SAMD3: variants seen among roughly 807,000 people sequenced by gnomAD.
The protein encoded by SAMD3 is sterile alpha motif domain-containing protein 3.
A neutral mutation model predicts 58.5 loss-of-function variants in SAMD3; 63 were observed. The observed-to-expected ratio is 1.08, with a 90% CI of 0.88 to 1.33. The LOEUF is 1.33. Among genes scored for constraint, SAMD3 ranks in the 40% most tolerant of loss-of-function variants. The pLI is 0.00. For synonymous variants in SAMD3, 220 were observed against 210.3 expected, an observed-to-expected ratio of 1.05 and a Z score of -0.40; for missense variants, 604 against 608.4, an observed-to-expected ratio of 0.99 and a Z score of 0.08.
At chr6:130,213,643 TG>T (rs754890513) in intron 4 of SAMD3, among the ~76,000 whole-genome samples, 2 of 152,182 alleles carry the variant, frequency 1.3e-5, no homozygotes, top group Non-Finnish European at 2.9e-5. Context: ...AGGGCATAGA[TG>T]GATGTGTAAA....
At chr6:130,156,963 G>A (rs952242654) in intron 8 of SAMD3, among the ~76,000 whole-genome samples, 2 of 151,954 alleles carry the variant, frequency 1.3e-5, no homozygotes, top group African/African-American at 2.4e-5. Context: ...CCAGCTACCC[G>A]GGGGACTGAG....
chr6:130,257,762 A>G (rs960666595), intron 2 of SAMD3, among the ~76,000 whole-genome samples: 1 of 152,194 alleles, frequency 6.6e-6, no homozygotes, highest in Non-Finnish European at 1.5e-5. Context: ...TAATATAAAT[A>G]TATACACCCA....
At chr6:130,324,258 C>T (rs1360967822) in intron 1 of SAMD3, among the ~76,000 whole-genome samples, 1 of 152,146 alleles carries the variant, frequency 6.6e-6, no homozygotes, top group Non-Finnish European at 1.5e-5. Context: ...ATCATTAGGT[C>T]AACCCTCTTA....
intron 2 of SAMD3, among the ~76,000 whole-genome samples, chr6:130,229,326 C>G (rs1017117104): frequency 6.6e-6 from 1 of 152,202 alleles, no homozygotes; most frequent in African/African-American, 2.4e-5. Context: ...ATTCCCAATG[C>G]CTTAGCAGCG....
chr6:130,345,819 G>A (rs1005099203), intron 1 of SAMD3, among the ~76,000 whole-genome samples: 2 of 152,176 alleles, frequency 1.3e-5, no homozygotes, highest in African/African-American at 2.4e-5. Context: ...GCAAAAGGCA[G>A]AGAACAGATT....
intron 5 of SAMD3, among the ~76,000 whole-genome samples, chr6:130,190,373 G>A (rs1199332210): frequency 6.6e-6 from 1 of 151,772 alleles, no homozygotes; most frequent in Non-Finnish European, 1.5e-5. Flanking sequence ...TCATTAGAAT[G>A]TGATGCTAAG....
chr6:130,330,450 G>A (rs1007352965), intron 1 of SAMD3, among the ~76,000 whole-genome samples: 8 of 152,166 alleles, frequency 5.3e-5, no homozygotes, highest in Non-Finnish European at 1.2e-4. Context: ...AAAGCGTAGT[G>A]AGATTCAGTC....
At chr6:130,311,777 T>C (rs1360685244) in intron 2 of SAMD3, among the ~76,000 whole-genome samples, 1 of 151,942 alleles carries the variant, frequency 6.6e-6, no homozygotes. Flanking sequence ...ACTGGAGCAG[T>C]TTCAAGTCCT....
intron 8 of SAMD3, among the ~76,000 whole-genome samples, chr6:130,157,450 G>A (rs752982668): frequency 1.3e-5 from 2 of 151,772 alleles, no homozygotes; most frequent in Non-Finnish European, 2.9e-5. Context: ...GTGATCAACT[G>A]TCCCAACAGA....
upstream of SAMD3, among the ~76,000 whole-genome samples, chr6:130,223,605 GGAA>G (rs1281809998): frequency 6.6e-6 from 1 of 152,174 alleles, no homozygotes; most frequent in Non-Finnish European, 1.5e-5. Context: ...GGCCTCTTCA[GGAA>G]GAAGGGGATG....
Position 130,178,228 on chromosome 6 carries a change from G to A in SAMD3, c.655-2220C>T, listed in dbSNP as rs557789947. Among the ~76,000 whole-genome samples, 13 of 150,196 alleles carry A rather than the reference G, an allele frequency of 8.7e-5. 1 individual carries two copies. In the South Asian group the frequency reaches 2.5e-3, roughly 29 times the overall value. ...CAACCTCAGGTAATCTGCGCACCTC[G>A]GCATCCCAAAGTGCTGGGATTACAG... On this transcript the variant is annotated intron_variant, in intron 7 of 11. Coordinates refer to ENST00000439090, the MANE Select transcript of SAMD3 (RefSeq NM_001017373.4).
chr6:130,216,091 G>A (rs1265893707), intron 2 of SAMD3, among the ~76,000 whole-genome samples: 8 of 56,438 alleles, frequency 1.4e-4, no homozygotes, highest in Non-Finnish European at 2.5e-4. Flanking sequence ...TGAAAGAAGC[G>A]TAGGCAAGTT....
chr6:130,192,660 T>C (rs541936310), intron 5 of SAMD3, among the ~76,000 whole-genome samples: 1 of 152,288 alleles, frequency 6.6e-6, no homozygotes, highest in Admixed American at 6.5e-5. Flanking sequence ...TAAACAGCCA[T>C]GTTGCTCACA....
chr6:130,314,492 C>T (rs1776292353), intron 1 of SAMD3, among the ~76,000 whole-genome samples: 1 of 152,176 alleles, frequency 6.6e-6, no homozygotes, highest in South Asian at 2.1e-4. Context: ...GTTAGACTTT[C>T]TCTTTAATTT....
intron 4 of SAMD3, among the ~76,000 whole-genome samples, chr6:130,211,681 T>G (rs537622372): frequency 2.0e-5 from 3 of 152,066 alleles, no homozygotes; most frequent in African/African-American, 7.2e-5. Flanking sequence ...CTTACGCTGA[T>G]TGATGTCTTA....
intron 2 of SAMD3, among the ~76,000 whole-genome samples, chr6:130,236,389 T>A (rs1157782647): frequency 8.1e-6 from 1 of 122,874 alleles, no homozygotes; most frequent in Non-Finnish European, 1.9e-5. Context: ...ATTGACTTTT[T>A]TTTTTTTTTT....
At chr6:130,144,890 A>G in intron 11 of SAMD3, 86 bp from the exon 12 acceptor site, 1 of 1,200,950 alleles carries the variant, frequency 8.3e-7, no homozygotes, top group Non-Finnish European at 1.2e-6. Context: ...ATTACAATAA[A>G]TCAGCTTGTT....
intron 1 of SAMD3, among the ~76,000 whole-genome samples, chr6:130,329,261 C>CA (rs10708421): frequency 0.022 from 2,582 of 118,214 alleles, 39 homozygotes; most frequent in East Asian, 0.05. Flanking sequence ...CAATGAATCT[C>CA]AAAAAAAAAA....
chr6:130,185,628 A>ATTTT (rs1224222250), intron 5 of SAMD3, among the ~76,000 whole-genome samples: 3 of 132,380 alleles, frequency 2.3e-5, no homozygotes, highest in Non-Finnish European at 1.6e-5. Flanking sequence ...CATCTGCCCA[A>ATTTT]TTTTTTTTTT....
Sources: gnomAD v4.1 joint callset for allele counts (sites outside exome capture counted in the v4.1 genomes callset) on GRCh38, gnomAD v4.1.1 for gene constraint, MANE v1.5 for transcripts, NCBI Gene and HGNC (gene_info 2026-07-23, HGNC 2026-07-21) for gene names.